EPHA7: variants seen among roughly 807,000 people sequenced by gnomAD.
EPHA7 encodes the protein EPH receptor A7, also known as ephrin type-A receptor 7.
Under a neutral mutation model 112.6 loss-of-function variants are expected in EPHA7, and 25 were observed. The ratio of observed to expected loss-of-function variants is 0.22; its 90% CI spans 0.16 to 0.31. The LOEUF (loss-of-function observed/expected upper bound fraction) is 0.31. EPHA7 is among the 10% of genes least tolerant of loss of function. The pLI is 1.00. For missense variants in EPHA7, 962 were observed against 1,212.6 expected (o/e 0.79, Z 3.07); for synonymous variants, 437 against 406.5 (o/e 1.07, Z -0.90).
At chr6:93,292,817 G>T (rs184276259) in intron 5 of EPHA7, among the ~76,000 whole-genome samples, 4 of 152,266 alleles carry the variant, frequency 2.6e-5, no homozygotes, top group African/African-American at 9.6e-5. Flanking sequence ...AACTACAGGT[G>T]ATAAGACTGG....
intron 5 of EPHA7, among the ~76,000 whole-genome samples, chr6:93,299,066 C>T (rs908973450): frequency 2.0e-5 from 3 of 152,042 alleles, no homozygotes; most frequent in African/African-American, 4.8e-5. Flanking sequence ...GTGGCTCAAG[C>T]CTGTAATCCC....
At chr6:93,261,311 TG>T (rs1261321219) in intron 9 of EPHA7, among the ~76,000 whole-genome samples, 2 of 151,574 alleles carry the variant, frequency 1.3e-5, no homozygotes, top group Non-Finnish European at 3.0e-5. Context: ...GCTAGTTAAA[TG>T]GTTGCTTTCA....
intron 5 of EPHA7, among the ~76,000 whole-genome samples, chr6:93,281,369 C>T (rs771740457): frequency 9.9e-5 from 15 of 152,146 alleles, no homozygotes; most frequent in Non-Finnish European, 1.5e-4. Flanking sequence ...AAACTACTTT[C>T]GTACTTTTAC....
At chr6:93,345,902 A>G (rs760520185) in intron 5 of EPHA7, among the ~76,000 whole-genome samples, 2 of 151,662 alleles carry the variant, frequency 1.3e-5, no homozygotes, top group Non-Finnish European at 3.0e-5. Flanking sequence ...TCTGGATCAA[A>G]TTTGCTTCAA....
intron 5 of EPHA7, among the ~76,000 whole-genome samples, chr6:93,279,608 A>G (rs1771634700): frequency 6.6e-6 from 1 of 152,090 alleles, no homozygotes; most frequent in Non-Finnish European, 1.5e-5. Context: ...GAAAATGAGC[A>G]ATTTATTTGG....
intron 5 of EPHA7, among the ~76,000 whole-genome samples, chr6:93,347,854 G>A (rs1775479256): frequency 6.6e-6 from 1 of 151,774 alleles, no homozygotes; most frequent in African/African-American, 2.4e-5. Context: ...CATCACAGCA[G>A]TAGAATAACT....
At chr6:93,412,525 A>T (rs966219114) in intron 2 of EPHA7, among the ~76,000 whole-genome samples, 1 of 152,044 alleles carries the variant, frequency 6.6e-6, no homozygotes, top group Non-Finnish European at 1.5e-5. Flanking sequence ...AAGGTACTCA[A>T]ATGTAGTAAA....
chr6:93,378,093 A>C (rs2127967712), intron 3 of EPHA7, among the ~76,000 whole-genome samples: 1 of 152,180 alleles, frequency 6.6e-6, no homozygotes, highest in African/African-American at 2.4e-5. Context: ...TGTAAGAGAT[A>C]TTCAAGAGAC....
At chr6:93,411,916 T>C (rs984203373) in intron 2 of EPHA7, among the ~76,000 whole-genome samples, 1 of 152,020 alleles carries the variant, frequency 6.6e-6, no homozygotes, top group Non-Finnish European at 1.5e-5. Flanking sequence ...AGGAAAAATA[T>C]CAGATGTTTA....
At position 93,255,773 on chromosome 6, in the gene EPHA7, C is replaced by T. The variant is rs145107540; in HGVS notation, c.2382+55G>A. 622 of 1,469,958 alleles carry T rather than the reference C, an allele frequency of 4.2e-4. 5 individuals carry two copies. In the East Asian group the frequency reaches 6.0e-3, roughly 14 times the overall value. 91.1% of individuals were successfully genotyped at this position (1,469,958 alleles called of 1,614,324 possible). ...GTTTTACATTATTAGGTCCTGCTTT[C>T]GTGGTAGAAAAATCTTAAGAATATG... is the stretch of plus-strand genomic sequence containing the variant. On this transcript the variant is annotated intron_variant, in intron 13 of 16. Coordinates refer to ENST00000369303, the MANE Select transcript of EPHA7 (RefSeq NM_004440.4).
intron 5 of EPHA7, among the ~76,000 whole-genome samples, chr6:93,289,967 G>T (rs9452290): frequency 0.14 from 21,659 of 151,972 alleles, 1,692 homozygotes; most frequent in South Asian, 0.31. Flanking sequence ...AATTATTAAA[G>T]AACAATTTTT....
At chr6:93,304,528 A>G (rs1392162704) in intron 5 of EPHA7, among the ~76,000 whole-genome samples, 2 of 152,098 alleles carry the variant, frequency 1.3e-5, no homozygotes, top group Non-Finnish European at 2.9e-5. Flanking sequence ...AAGATTGATT[A>G]TATCTCATGT....
chr6:93,242,099 T>G lies in EPHA7; in HGVS notation c.*1327A>C, dbSNP rs1200508631. 1 of 198,186 alleles carries G rather than the reference T, an allele frequency of 5.0e-6. No individual in the cohort carries two copies. The highest frequency in any genetic ancestry group is 1.0e-5 in the Non-Finnish European group (1 of 95,326). 12.3% of individuals were successfully genotyped at this position (198,186 alleles called of 1,614,324 possible). The stretch of plus-strand genomic sequence containing the variant: ...CCTGCAATATCTATAAAGACACATT[T>G]AATTATTGCTTATGAAATTCTAACA... On this transcript the variant is annotated 3_prime_UTR_variant, in exon 17 of 17. Coordinates refer to ENST00000369303, the MANE Select transcript of EPHA7 (RefSeq NM_004440.4).
intron 5 of EPHA7, among the ~76,000 whole-genome samples, chr6:93,275,183 G>A (rs993875106): frequency 4.0e-5 from 6 of 151,640 alleles, no homozygotes; most frequent in African/African-American, 1.2e-4. Flanking sequence ...TGAATTAAAT[G>A]CTTCAAGAAC....
intron 3 of EPHA7, among the ~76,000 whole-genome samples, chr6:93,369,531 T>C (rs189552541): frequency 5.3e-5 from 8 of 152,190 alleles, no homozygotes; most frequent in African/African-American, 1.9e-4. Flanking sequence ...AAGAGCAACA[T>C]CCATTCTTCA....
chr6:93,326,818 G>A (rs906722349), intron 5 of EPHA7, among the ~76,000 whole-genome samples: 22 of 151,490 alleles, frequency 1.5e-4, no homozygotes, highest in African/African-American at 5.1e-4. Flanking sequence ...CAATGAATGG[G>A]CAGAAACAAC....
rs778087526 is a variant in EPHA7, at chr6:93,410,641, C to T, written c.692G>A (p.Arg231Gln). Residue 231 changes from arginine (R) to glutamine (Q), a missense_variant, in exon 3 of 17, where the codon CGA becomes CAA. Transcript: ENST00000369303. The surrounding 1 kb of genome is among the most constrained non-coding windows in gnomAD (Gnocchi z 4.0). ...CTCTGCACTGCTGACACATGTCCCTCGAACCTCGACTAAAGAGGAAAATTC... is the reference window on the plus strand; with the variant it reads ...CTCTGCACTGCTGACACATGTCCCTTGAACCTCGACTAAAGAGGAAAATTC... The part of the protein sequence containing the change: ...GSEFSSLVEV[R>Q]GTCVSSAEEE... 9 of 1,613,828 alleles carry T rather than the reference C, an allele frequency of 5.6e-6. No individual in the cohort carries two copies. The highest frequency in any genetic ancestry group is 4.0e-5 in the African/African-American group (3 of 74,886).
chr6:93,256,122 C>T (rs1205797775), intron 12 of EPHA7, 85 bp from the exon 13 acceptor site: 4 of 1,221,618 alleles, frequency 3.3e-6, no homozygotes, highest in East Asian at 4.8e-5. Context: ...TGCGTGCTAG[C>T]AATTTGCTAT....
chr6:93,369,650 C>T (rs1254450022), intron 3 of EPHA7, among the ~76,000 whole-genome samples: 1 of 152,120 alleles, frequency 6.6e-6, no homozygotes, highest in Non-Finnish European at 1.5e-5. Context: ...TTCACACTGC[C>T]ATAATTATTT....
Sources: allele counts gnomAD v4.1 joint callset (sites outside exome capture counted in the v4.1 genomes callset), GRCh38; gene constraint gnomAD v4.1.1; non-coding constraint Gnocchi (gnomAD v3.1); transcripts MANE v1.5; gene names NCBI Gene and HGNC (gene_info 2026-07-23, HGNC 2026-07-21).